Variants in ATP9A observed in about 807,000 individuals in gnomAD.
ATP9A encodes the protein probable phospholipid-transporting ATPase IIA.
In ATP9A, 52 loss-of-function variants were observed where a neutral mutation model predicts 144.1. That is an observed-to-expected ratio of 0.36 (90% CI 0.29 to 0.45). ATP9A has a LOEUF of 0.45. Among genes scored for constraint, ATP9A ranks in the 20% least tolerant of loss-of-function variants. ATP9A has a pLI of 1.00. For missense variants in ATP9A, 947 were observed against 1,392.7 expected, an observed-to-expected ratio of 0.68 and a Z score of 5.09; for synonymous variants, 582 against 557.4, an observed-to-expected ratio of 1.04 and a Z score of -0.62.
chr20:51,616,772 A>T (rs1240952027), intron 22 of ATP9A, among the ~76,000 whole-genome samples: 1 of 152,156 alleles, frequency 6.6e-6, no homozygotes, highest in African/African-American at 2.4e-5. Flanking sequence ...ACCAACTTTT[A>T]AAAATTATAC....
chr20:51,717,169 C>CAA (rs10577089), intron 3 of ATP9A, among the ~76,000 whole-genome samples: 22 of 101,444 alleles, frequency 2.2e-4, no homozygotes, highest in South Asian at 3.6e-4. Flanking sequence ...AAGACTGCCT[C>CAA]AAAAAAAAAA....
chr20:51,636,820 C>T (rs1279269387), intron 15 of ATP9A, among the ~76,000 whole-genome samples: 1 of 152,236 alleles, frequency 6.6e-6, no homozygotes, highest in East Asian at 1.9e-4. Context: ...ACACAATAAG[C>T]CCCTGGGCGG....
intron 14 of ATP9A, among the ~76,000 whole-genome samples, chr20:51,644,691 A>T (rs878887780): frequency 6.6e-6 from 1 of 152,206 alleles, no homozygotes; most frequent in Admixed American, 6.5e-5. Flanking sequence ...AGTTATGTAC[A>T]AGCTAAAAAA....
intron 7 of ATP9A, 115 bp downstream of exon 7, chr20:51,693,893 C>G (rs1372727410): frequency 1.1e-6 from 1 of 891,158 alleles, no homozygotes; most frequent in Non-Finnish European, 1.8e-6. Flanking sequence ...CCCCACGCTC[C>G]CCTACTGGCC....
At chr20:51,739,666 A>G (rs1480956472) in intron 1 of ATP9A, among the ~76,000 whole-genome samples, 1 of 152,134 alleles carries the variant, frequency 6.6e-6, no homozygotes. Context: ...AGCTGAGCCC[A>G]ATCCCATCTC....
chr20:51,683,889 C>T (rs1055329487), intron 9 of ATP9A, among the ~76,000 whole-genome samples: 2 of 152,040 alleles, frequency 1.3e-5, no homozygotes, highest in Non-Finnish European at 2.9e-5. Context: ...TATATAAACA[C>T]TCCAAAAAAA....
chr20:51,763,108 C>T (rs1380724839), intron 1 of ATP9A, among the ~76,000 whole-genome samples: 1 of 152,026 alleles, frequency 6.6e-6, no homozygotes, highest in Non-Finnish European at 1.5e-5. Flanking sequence ...TGGTGTGATT[C>T]CATTGATAGA....
rs751286712 is a variant in ATP9A, at chr20:51,689,070, C to A, written c.793G>T (p.Ala265Ser). 1.2e-6 allele frequency: 2 copies of A among 1,614,002 alleles called. No homozygotes were observed. Among genetic ancestry groups the A allele is most frequent in the East Asian group, 2.2e-5 (1 of 44,882 alleles). The change falls in exon 9 of 28, where the codon GCA (alanine) becomes TCA (serine). Residue 265 changes from alanine (A) to serine (S), a missense_variant. Physicochemically the swap from Ala to Ser is moderately conservative, Grantham distance 99 (BLOSUM62 1). Coordinates refer to ENST00000338821, the MANE Select transcript of ATP9A (RefSeq NM_006045.3). ...CCTCAAAACGGCGCCTCACCTGATG[C>A]GACCACAGTGCCAGCCCACAGCGTG... ...ENTLWAGTVV[A>S]SGTVVGVVLY...
chr20:51,719,384 T>C (rs866800255), intron 3 of ATP9A, among the ~76,000 whole-genome samples: 39 of 152,094 alleles, frequency 2.6e-4, no homozygotes, highest in African/African-American at 8.9e-4. Context: ...AGAGAAAAAA[T>C]ACTAAAAATT....
At chr20:51,728,865 T>C (rs2077727203) in intron 2 of ATP9A, among the ~76,000 whole-genome samples, 1 of 152,216 alleles carries the variant, frequency 6.6e-6, no homozygotes, top group Non-Finnish European at 1.5e-5. Flanking sequence ...TGTTCCTTTC[T>C]GCATTGGAGC....
chr20:51,615,002 T>C (rs780126733), intron 22 of ATP9A, among the ~76,000 whole-genome samples: 1 of 130,378 alleles, frequency 7.7e-6, no homozygotes, highest in Non-Finnish European at 1.6e-5. Flanking sequence ...TATTATCCAG[T>C]ACCATTATAT....
At chr20:51,617,587 T>A (rs1428888875) in intron 21 of ATP9A, 33 bp from the exon 22 acceptor site, 1 of 1,603,008 alleles carries the variant, frequency 6.2e-7, no homozygotes, top group East Asian at 2.3e-5. Flanking sequence ...AGAAAAGATG[T>A]TTCATTCTTA....
Position 51,601,101 on chromosome 20 carries a change from G to T in ATP9A, c.*110C>A. 1 of 1,334,968 alleles carries T rather than the reference G, an allele frequency of 7.5e-7. No homozygotes were observed. The highest frequency in any genetic ancestry group is 1.0e-6 in the Non-Finnish European group (1 of 988,010). The allele number at this position is 1,334,968 out of a possible 1,614,324, so 82.7% of individuals were successfully genotyped here. On this transcript the variant is annotated 3_prime_UTR_variant, in exon 28 of 28. Transcript: ENST00000338821. ...GAGCCACTTCCCATTAAAACTGCAT[G>T]TGTTAGCAATTACTGCAAAATCCAC... is the stretch of plus-strand genomic sequence containing the variant.
intron 14 of ATP9A, among the ~76,000 whole-genome samples, chr20:51,653,132 A>G (rs1404147862): frequency 6.6e-6 from 1 of 151,602 alleles, no homozygotes; most frequent in Non-Finnish European, 1.5e-5. Context: ...AACCACAGCA[A>G]AAAGGTAACA....
chr20:51,599,735 G>A lies in ATP9A; in HGVS notation c.*1476C>T, dbSNP rs1367657178. 1 of 152,172 alleles carries A rather than the reference G, an allele frequency of 6.6e-6. No homozygotes were observed. 9.4% of individuals were successfully genotyped at this position (152,172 alleles called of 1,614,324 possible). A position where few individuals can be genotyped will look rare whatever the true frequency, so the allele number is the denominator to read the frequency against. ...GGAGTTAGTAGGCATCAGAAACCAG[G>A]CTGTGATGTACATCTCTGAAGCACA... On this transcript the variant is annotated 3_prime_UTR_variant, in exon 28 of 28. Transcript: ENST00000338821.
chr20:51,620,558 C>G (rs1483395989), intron 19 of ATP9A, among the ~76,000 whole-genome samples: 1 of 152,124 alleles, frequency 6.6e-6, no homozygotes, highest in Non-Finnish European at 1.5e-5. Context: ...CTCATGCCTG[C>G]AGGAAGCTCA....
chr20:51,675,744 G>A (rs2077474152), intron 10 of ATP9A, among the ~76,000 whole-genome samples: 1 of 152,080 alleles, frequency 6.6e-6, no homozygotes, highest in South Asian at 2.1e-4. Flanking sequence ...GCCAGGCATG[G>A]TGGTACACGC....
intron 15 of ATP9A, among the ~76,000 whole-genome samples, chr20:51,631,604 G>T (rs553342764): frequency 6.6e-6 from 1 of 152,108 alleles, no homozygotes; most frequent in Admixed American, 6.6e-5. Flanking sequence ...CCCATATTAT[G>T]GCAAGATTAC....
intron 1 of ATP9A, among the ~76,000 whole-genome samples, chr20:51,765,957 A>G (rs2077902134): frequency 6.6e-6 from 1 of 151,972 alleles, no homozygotes; most frequent in African/African-American, 2.4e-5. Flanking sequence ...CATCGTCTCA[A>G]AAAAAAAGAA....
Sources: gnomAD v4.1 joint callset for allele counts (sites outside exome capture counted in the v4.1 genomes callset) on GRCh38, gnomAD v4.1.1 for gene constraint, MANE v1.5 for transcripts, NCBI Gene and HGNC (gene_info 2026-07-23, HGNC 2026-07-21) for gene names.